The following CCT5 variants were observed in gnomAD, a reference collection of about 807,000 sequenced individuals.
The protein encoded by CCT5 is T-complex protein 1 subunit epsilon.
A neutral mutation model predicts 55.0 loss-of-function variants in CCT5; 6 were observed. The observed-to-expected ratio is 0.11, with a 90% CI of 0.06 to 0.22. The LOEUF (loss-of-function observed/expected upper bound fraction) is 0.22, where lower values mean the gene tolerates loss of function less well. Ranked by LOEUF, CCT5 falls within the 10% of genes least tolerant of loss-of-function variation. The pLI, the probability that CCT5 is intolerant of heterozygous loss-of-function variation, is 1.00. For synonymous variants in CCT5, 231 were observed against 243.7 expected, an observed-to-expected ratio of 0.95 and a Z score of 0.49; for missense variants, 560 against 694.6, an observed-to-expected ratio of 0.81 and a Z score of 2.18.
intron 8 of CCT5, 116 bp downstream of exon 8, chr5:10,261,861 TCAAA>T: frequency 1.2e-6 from 1 of 837,292 alleles, no homozygotes; most frequent in Admixed American, 1.8e-5. Flanking sequence ...ATCGTGGTTC[TCAAA>T]CAATGACGTA....
intron 10 of CCT5, among the ~76,000 whole-genome samples, chr5:10,264,049 G>T (rs1342307584): frequency 6.6e-6 from 1 of 152,160 alleles, no homozygotes; most frequent in Non-Finnish European, 1.5e-5. Flanking sequence ...AAGCCGGGTG[G>T]ATCACCTGAG....
In CCT5 at chr5:10,258,228, C is replaced by T. The variant is rs754143874; in HGVS notation, c.648C>T (p.Gly216=). The T allele has an allele frequency of 8.7e-6, 14 of 1,614,160 alleles. No individual in the cohort carries two copies. The East Asian group carries it at 1.3e-4, about 15-fold the overall frequency. ...TTATCAAAGTAGAAGGCAAAGTGGG[C>T]GGCAGGCTGGAGGACACTAAACTGA... ...FELIKVEGKV[G]GRLEDTKLIK... Residue 216 remains glycine, a synonymous_variant, in exon 5 of 11, where the codon GGC becomes GGT. Transcript: ENST00000280326.
At chr5:10,252,992 T>G (rs1020260287) in intron 1 of CCT5, among the ~76,000 whole-genome samples, 4 of 152,100 alleles carry the variant, frequency 2.6e-5, no homozygotes, top group African/African-American at 4.8e-5. Flanking sequence ...AACAGGTAAC[T>G]TTTTTATTAT....
chr5:10,265,009 A>T lies in CCT5; in HGVS notation c.*226A>T, dbSNP rs897298714. On this transcript the variant is annotated 3_prime_UTR_variant, in exon 11 of 11. Coordinates refer to ENST00000280326, the MANE Select transcript of CCT5 (RefSeq NM_012073.5). ...TCATTGTATTAAAAGAATCTGTTTA[A>T]ACAACCTTTATCTTCTCTTCGGGTT... 3 of 515,086 alleles carry T rather than the reference A, an allele frequency of 5.8e-6. No individual in the cohort carries two copies. Among genetic ancestry groups the T allele is most frequent in the African/African-American group, 1.9e-5 (1 of 52,190 alleles). 31.9% of individuals were successfully genotyped at this position (515,086 alleles called of 1,614,324 possible). A position where few individuals can be genotyped will look rare whatever the true frequency, so the allele number is the denominator to read the frequency against.
intron 4 of CCT5, among the ~76,000 whole-genome samples, chr5:10,257,010 A>G (rs1156961515): frequency 5.3e-5 from 8 of 152,338 alleles, no homozygotes; most frequent in African/African-American, 1.9e-4. Context: ...CAAAGACTTA[A>G]GGTCTGTTGC....
rs1746146139 is a variant in CCT5, at chr5:10,264,890, T to C, written c.*107T>C. The C allele has an allele frequency of 3.5e-6, 5 of 1,410,202 alleles. No homozygotes were observed. In the African/African-American group the frequency reaches 4.2e-5, roughly 12 times the overall value. 87.4% of individuals were successfully genotyped at this position (1,410,202 alleles called of 1,614,324 possible). A position where few individuals can be genotyped will look rare whatever the true frequency, so the allele number is the denominator to read the frequency against. Reference sequence around the variant, plus strand: ...TTGTTACATCCTTTTCCAGACACTGTAGATGCTATAATAAAAATAGCTGTT... The same window carrying C: ...TTGTTACATCCTTTTCCAGACACTGCAGATGCTATAATAAAAATAGCTGTT... On this transcript the variant is annotated 3_prime_UTR_variant, in exon 11 of 11. Coordinates refer to ENST00000280326, the MANE Select transcript of CCT5 (RefSeq NM_012073.5).
chr5:10,260,565 T>C (rs1488056807), intron 6 of CCT5, among the ~76,000 whole-genome samples: 1 of 152,234 alleles, frequency 6.6e-6, no homozygotes, highest in Non-Finnish European at 1.5e-5. Context: ...TTGTGGTTTT[T>C]AAAGCATAAA....
upstream of CCT5, chr5:10,250,215 C>T (rs1366312072): frequency 1.1e-5 from 17 of 1,556,256 alleles, no homozygotes; most frequent in Non-Finnish European, 1.2e-5. Flanking sequence ...TCAGTAGAAA[C>T]ATAAGTCCCG....
chr5:10,255,466 A>T (rs994834115), intron 3 of CCT5, among the ~76,000 whole-genome samples: 32 of 152,088 alleles, frequency 2.1e-4, no homozygotes, highest in African/African-American at 7.7e-4. Context: ...CATTCAACAA[A>T]TATTTATTGG....
At position 10,263,996 on chromosome 5, in the gene CCT5, G is replaced by A. The variant is rs143659139; in HGVS notation, c.1499-660G>A. On this transcript the variant is annotated intron_variant, in intron 10 of 10. Transcript: ENST00000280326. ...CTCAAATTTAGCATTTCTAGGGCCG[G>A]GCGCAGTGACTCATGTCTGTAATCC... Among the ~76,000 whole-genome samples the A allele has an allele frequency of 4.8e-3, 730 of 152,290 alleles. 2 individuals are homozygous for A. The highest frequency in any genetic ancestry group is 8.9e-3 in the Admixed American group (136 of 15,296).
chr5:10,257,511 A>C (rs1233627200), intron 4 of CCT5, among the ~76,000 whole-genome samples: 1 of 152,226 alleles, frequency 6.6e-6, no homozygotes, highest in Admixed American at 6.5e-5. Context: ...CATTATTTCA[A>C]GTGCTAGGTT....
At chr5:10,251,901 C>A (rs964581489) in intron 1 of CCT5, among the ~76,000 whole-genome samples, 4 of 152,198 alleles carry the variant, frequency 2.6e-5, no homozygotes, top group African/African-American at 7.2e-5. Context: ...CCATTTTGTT[C>A]AAACTGCATG....
chr5:10,253,022 C>T (rs1164471152), intron 1 of CCT5, among the ~76,000 whole-genome samples: 2 of 152,048 alleles, frequency 1.3e-5, no homozygotes, highest in Non-Finnish European at 2.9e-5. Context: ...AGCTACTTAC[C>T]TTCCTTAAGA....
In CCT5 at chr5:10,264,574, G is replaced by T. The variant is rs184463047; in HGVS notation, c.1499-82G>T. The T allele has an allele frequency of 4.4e-4, 415 of 944,706 alleles. 1 individual carries two copies. In the African/African-American group the frequency reaches 6.3e-3, roughly 14 times the overall value. 58.5% of individuals were successfully genotyped at this position (944,706 alleles called of 1,614,324 possible). ...GTTTGTATTTCTTAAGTCTTACTGT[G>T]ATTCCCTAAATCAGAAAGAGTTGGT... On this transcript the variant is annotated intron_variant, in intron 10 of 10. Coordinates refer to ENST00000280326, the MANE Select transcript of CCT5 (RefSeq NM_012073.5).
chr5:10,262,893 TTAAAAA>T (rs1216835774), intron 9 of CCT5, among the ~76,000 whole-genome samples: 7 of 152,382 alleles, frequency 4.6e-5, no homozygotes, highest in East Asian at 1.9e-4. Flanking sequence ...ATATTATAAC[TTAAAAA>T]TAAAGCCATA....
rs1745666657 is a variant in CCT5 at position 10,256,170 on chromosome 5, G to C, written c.530+17G>C. 3 of 1,606,242 alleles carry C rather than the reference G, an allele frequency of 1.9e-6. No homozygotes were observed. Among genetic ancestry groups the C allele is most frequent in the Non-Finnish European group, 1.7e-6 (2 of 1,176,100 alleles). On this transcript the variant is annotated intron_variant, in intron 4 of 10. Coordinates refer to ENST00000280326, the MANE Select transcript of CCT5 (RefSeq NM_012073.5). ...CTCCAAAGTGTACGTTTCAGTAGAT[G>C]ATATGATTACCCATTTGTAGAGGAG...
intron 2 of CCT5, 115 bp from the exon 3 acceptor site, chr5:10,254,559 T>A: frequency 1.1e-6 from 1 of 907,546 alleles, no homozygotes; most frequent in East Asian, 2.5e-5. Context: ...GTATGTTGCA[T>A]TATTTGTATA....
chr5:10,261,308 G>T, intron 7 of CCT5: 3 of 534,562 alleles, frequency 5.6e-6, no homozygotes, highest in Non-Finnish European at 6.8e-6. Flanking sequence ...GGAGATGAGG[G>T]TATGAGCTTA....
chr5:10,261,131 G>A (rs754135861), intron 7 of CCT5: 12 of 617,700 alleles, frequency 1.9e-5, no homozygotes, highest in Non-Finnish European at 3.5e-5. Flanking sequence ...TTCTCTCCCT[G>A]TGTTGTCTCA....
Sources: allele counts gnomAD v4.1 joint callset (sites outside exome capture counted in the v4.1 genomes callset), GRCh38; gene constraint gnomAD v4.1.1; transcripts MANE v1.5; gene names NCBI Gene and HGNC (gene_info 2026-07-23, HGNC 2026-07-21).